Variants in FBXO4 observed in about 807,000 individuals in gnomAD.
FBXO4 encodes F-box only protein 4.
In FBXO4, 36 loss-of-function variants were observed where a neutral mutation model predicts 43.7. The observed-to-expected ratio is 0.82, with a 90% CI of 0.63 to 1.09. The LOEUF (loss-of-function observed/expected upper bound fraction) is 1.09. Ranked by LOEUF, FBXO4 falls within the 50% of genes least tolerant of loss-of-function variation. The pLI is 0.00. For synonymous variants in FBXO4, 180 were observed against 165.6 expected (o/e 1.09, Z -0.67); for missense variants, 435 against 474.1 (o/e 0.92, Z 0.77).
chr5:41,934,799 G>A (rs1413928445), intron 5 of FBXO4: 38 of 997,270 alleles, frequency 3.8e-5, no homozygotes, highest in Non-Finnish European at 4.5e-5. Flanking sequence ...GATTAGTTGA[G>A]AACACTATTC....
the FBXO4 span, among the ~76,000 whole-genome samples, chr5:41,971,735 C>T: frequency 6.6e-6 from 1 of 151,908 alleles, no homozygotes; most frequent in East Asian, 1.9e-4. Flanking sequence ...TTCTCTGTTA[C>T]ATTATGTTTA....
chr5:41,929,269 G>A (rs1237510472), intron 2 of FBXO4, among the ~76,000 whole-genome samples: 1 of 152,140 alleles, frequency 6.6e-6, no homozygotes, highest in Non-Finnish European at 1.5e-5. Context: ...CAGCATCCTT[G>A]GCCTCTGCTA....
the FBXO4 span, among the ~76,000 whole-genome samples, chr5:41,989,015 G>A: frequency 2.6e-5 from 4 of 152,046 alleles, no homozygotes; most frequent in Non-Finnish European, 5.9e-5. Flanking sequence ...AGATTATAAT[G>A]TAAGTCGAAC....
chr5:41,967,740 TG>T, the FBXO4 span: 1 of 617,538 alleles, frequency 1.6e-6, no homozygotes, highest in East Asian at 3.8e-5. Flanking sequence ...CATCCTTATC[TG>T]GAAAAACAGA....
the FBXO4 span, among the ~76,000 whole-genome samples, chr5:41,958,235 C>T: frequency 6.6e-6 from 1 of 151,226 alleles, no homozygotes; most frequent in Non-Finnish European, 1.5e-5. Flanking sequence ...CCCGGGTTCA[C>T]GCCATTCTCC....
the FBXO4 span, chr5:41,967,243 C>T: frequency 4.1e-6 from 2 of 488,742 alleles, no homozygotes; most frequent in Non-Finnish European, 4.1e-6. Flanking sequence ...AGCATTGCCA[C>T]TGTCATAGGG....
the FBXO4 span, among the ~76,000 whole-genome samples, chr5:42,035,906 TAAAA>T: frequency 6.6e-6 from 1 of 152,050 alleles, no homozygotes; most frequent in African/African-American, 2.4e-5. Flanking sequence ...AACTTGCCTT[TAAAA>T]AAATACAAAC....
chr5:41,972,590 A>G, the FBXO4 span, among the ~76,000 whole-genome samples: 1 of 152,154 alleles, frequency 6.6e-6, no homozygotes, highest in Non-Finnish European at 1.5e-5. Flanking sequence ...TTCATATGGA[A>G]CCAAAAAAAT....
intron 2 of FBXO4, 97 bp downstream of exon 2, chr5:41,927,345 T>A: frequency 1.1e-6 from 1 of 904,538 alleles, no homozygotes; most frequent in Non-Finnish European, 1.7e-6. Context: ...ACTGATTTGT[T>A]GCGTGGATTT....
At chr5:42,014,767 G>A in the FBXO4 span, among the ~76,000 whole-genome samples, 10 of 152,068 alleles carry the variant, frequency 6.6e-5, no homozygotes. Flanking sequence ...AGGGATATAA[G>A]CTTTGAGACT....
At chr5:41,978,289 T>C in the FBXO4 span, among the ~76,000 whole-genome samples, 1 of 152,186 alleles carries the variant, frequency 6.6e-6, no homozygotes, top group Admixed American at 6.5e-5. Context: ...AAAAACATCT[T>C]GCACCAGGTC....
chr5:42,017,092 AG>A, the FBXO4 span, among the ~76,000 whole-genome samples: 3 of 152,170 alleles, frequency 2.0e-5, no homozygotes, highest in South Asian at 6.2e-4. Context: ...TATCGTATAT[AG>A]TATAGATATA....
At chr5:42,016,170 C>A in the FBXO4 span, among the ~76,000 whole-genome samples, 7 of 152,146 alleles carry the variant, frequency 4.6e-5, no homozygotes, top group Non-Finnish European at 1.0e-4. Flanking sequence ...TCCCAATTCC[C>A]TTTTCCATGC....
chr5:41,961,773 T>C, the FBXO4 span, among the ~76,000 whole-genome samples: 11 of 152,174 alleles, frequency 7.2e-5, no homozygotes, highest in African/African-American at 2.7e-4. Context: ...TCTTGGGTGG[T>C]GGAGAAGTGT....
chr5:41,944,559 T>C (rs1184096980), downstream of FBXO4, among the ~76,000 whole-genome samples: 3 of 152,228 alleles, frequency 2.0e-5, no homozygotes, highest in African/African-American at 7.2e-5. Context: ...TCATAAATTA[T>C]TCCTAAATAA....
the FBXO4 span, among the ~76,000 whole-genome samples, chr5:42,021,528 A>C: frequency 7.0e-4 from 106 of 152,242 alleles, no homozygotes; most frequent in Non-Finnish European, 1.0e-3. Flanking sequence ...TTGAACATAC[A>C]AGCTGGCGGC....
chr5:41,968,352 G>C, the FBXO4 span: 1 of 153,740 alleles, frequency 6.5e-6, no homozygotes, highest in African/African-American at 2.4e-5. Flanking sequence ...TGACATGAGG[G>C]AAGTCGCAGC....
chr5:41,957,991 TA>T, the FBXO4 span, among the ~76,000 whole-genome samples: 2 of 152,158 alleles, frequency 1.3e-5, no homozygotes, highest in East Asian at 3.8e-4. Context: ...TGAGTAAAAT[TA>T]TATATGCTTA....
chr5:41,940,066 AT>A (rs1157824835), intron 6 of FBXO4, among the ~76,000 whole-genome samples: 1 of 150,996 alleles, frequency 6.6e-6, no homozygotes, highest in African/African-American at 2.4e-5. Flanking sequence ...GCCCAGGCTG[AT>A]CTCGAACTCC....
Sources: gnomAD v4.1 joint callset for allele counts (sites outside exome capture counted in the v4.1 genomes callset) on GRCh38, gnomAD v4.1.1 for gene constraint, MANE v1.5 for transcripts, NCBI Gene and HGNC (gene_info 2026-07-23, HGNC 2026-07-21) for gene names.